Variants in SLC6A12 observed in about 807,000 individuals in gnomAD.
The protein encoded by SLC6A12 is solute carrier family 6 member 12.
In SLC6A12, 50 loss-of-function variants were observed where a neutral mutation model predicts 73.3. The ratio of observed to expected loss-of-function variants is 0.68; its 90% CI spans 0.54 to 0.86. The LOEUF (loss-of-function observed/expected upper bound fraction) is 0.86, where lower values mean the gene tolerates loss of function less well. SLC6A12 is among the 40% of genes least tolerant of loss of function. The pLI, the probability that SLC6A12 is intolerant of heterozygous loss-of-function variation, is 0.00. For missense variants in SLC6A12, 648 were observed against 772.8 expected (o/e 0.84, Z 1.92); for synonymous variants, 304 against 309.2 (o/e 0.98, Z 0.18).
intron 14 of SLC6A12, 106 bp from the exon 15 acceptor site, chr12:192,754 C>G (rs1017705396): frequency 9.5e-7 from 1 of 1,050,292 alleles, no homozygotes; most frequent in African/African-American, 1.6e-5. Flanking sequence ...CACTGCAGCA[C>G]GTCTGTAAGG....
chr12:185,790 C>T (rs145151102), downstream of SLC6A12, among the ~76,000 whole-genome samples: 2,529 of 152,294 alleles, frequency 0.017, 43 homozygotes, highest in Middle Eastern at 0.092. Context: ...GAGTGCGGGT[C>T]GCCAGGGCCC....
chr12:187,435 A>G (rs1360438424), downstream of SLC6A12, among the ~76,000 whole-genome samples: 2 of 151,578 alleles, frequency 1.3e-5, 1 homozygote, highest in Non-Finnish European at 2.9e-5. Flanking sequence ...ACAACTCTGA[A>G]GGCGGCGCGT....
intron 3 of SLC6A12, 196 bp from the exon 4 acceptor site, chr12:204,894 C>CCTG: frequency 1.7e-6 from 1 of 594,628 alleles, no homozygotes; most frequent in South Asian, 2.1e-5. Flanking sequence ...ATGTTCTGAT[C>CCTG]TGAACCCTAC....
In SLC6A12 at chr12:210,566, C is replaced by T. The variant is rs535275476; in HGVS notation, c.-57-523G>A. ...AAACAGGGGAGCCAGCAGCTCTGGGCAGCTGATTGGGAGGAAAAGAGAAGG... is the reference window on the plus strand; with the variant it reads ...AAACAGGGGAGCCAGCAGCTCTGGGTAGCTGATTGGGAGGAAAAGAGAAGG... On this transcript the variant is annotated intron_variant, in intron 2 of 15. Coordinates refer to ENST00000684302, the MANE Select transcript of SLC6A12 (RefSeq NM_001122848.3). The T allele has an allele frequency of 2.0e-3, 372 of 186,244 alleles. 2 individuals are homozygous for T. The highest frequency in any genetic ancestry group is 3.0e-3 in the Non-Finnish European group (300 of 98,882). 11.5% of individuals were successfully genotyped at this position (186,244 alleles called of 1,614,324 possible).
At chr12:190,080 A>G (rs1219915618), downstream of SLC6A12, 2 of 152,386 alleles carry the variant, frequency 1.3e-5, no homozygotes, top group African/African-American at 4.8e-5. Context: ...ACCAGCACGC[A>G]TGGAAGGCAA....
rs1939532575 is a variant in SLC6A12 at position 190,170 on chromosome 12, T to C, written c.*898A>G. 6.6e-6 allele frequency: 1 copy of C among 152,226 alleles called. No homozygotes were observed. Among genetic ancestry groups the C allele is most frequent in the Non-Finnish European group, 1.5e-5 (1 of 68,046 alleles). 9.4% of individuals were successfully genotyped at this position (152,226 alleles called of 1,614,324 possible). On this transcript the variant is annotated 3_prime_UTR_variant, in exon 16 of 16. Transcript: ENST00000684302. ...GCACAAGGAGATAAGGTTTTAGTCA[T>C]ATCTCTGGCCCCCAAGAAGGGGGTC...
At chr12:188,210 G>A (rs1383434773), downstream of SLC6A12, among the ~76,000 whole-genome samples, 1 of 152,216 alleles carries the variant, frequency 6.6e-6, no homozygotes, top group Non-Finnish European at 1.5e-5. Flanking sequence ...AGGAGCCCAT[G>A]GAGGGGGAGG....
rs547326506 is a variant in SLC6A12 at position 204,627 on chromosome 12, A to G, written c.286T>C (p.Leu96=). Residue 96 remains leucine, a synonymous_variant, in exon 4 of 16, where the codon TTG becomes CTG. Transcript: ENST00000684302. The part of the protein sequence containing the change: ...GIPVFFLEVA[L]GQYTSQGSVT... ...CTCCCTTGGCTGGTGTATTGGCCCA[A>G]CGCCACCTCCAGGAAGAACACCGGG... 2.2e-5 allele frequency: 36 copies of G among 1,614,172 alleles called. No homozygotes were observed. The South Asian group carries it at 3.8e-4, about 17-fold the overall frequency.
At position 198,377 on chromosome 12, in the gene SLC6A12, G is replaced by A. The variant is rs1346260943; in HGVS notation, c.847-374C>T. 6.6e-6 allele frequency among the ~76,000 whole-genome samples: 1 copy of A among 152,164 alleles called. No individual in the cohort carries two copies. Among genetic ancestry groups the A allele is most frequent in the East Asian group, 1.9e-4 (1 of 5,194 alleles). On this transcript the variant is annotated intron_variant, in intron 8 of 15. Coordinates refer to ENST00000684302, the MANE Select transcript of SLC6A12 (RefSeq NM_001122848.3). The surrounding 1 kb of genome is among the most constrained non-coding windows in gnomAD (Gnocchi z 4.0). ...TAGTGTCTTAAGCAGCTATGACCTG[G>A]GGACAAAGAGGCTGCTTCATCAAAA...
intron 4 of SLC6A12, chr12:203,479 G>A (rs1362179327): frequency 1.3e-5 from 2 of 152,156 alleles, no homozygotes; most frequent in African/African-American, 4.8e-5. Flanking sequence ...ACCGCGCAGC[G>A]GCGTTGGGGC....
At chr12:193,761 AAAC>A (rs1269104055) in intron 13 of SLC6A12, among the ~76,000 whole-genome samples, 4 of 152,216 alleles carry the variant, frequency 2.6e-5, no homozygotes, top group African/African-American at 9.6e-5. Flanking sequence ...CAAAACAGCA[AAAC>A]AACAAGGCTC....
chr12:202,656 T>A (rs1940335552), intron 5 of SLC6A12, 84 bp downstream of exon 5: 2 of 1,435,378 alleles, frequency 1.4e-6, no homozygotes, highest in Non-Finnish European at 9.6e-7. Context: ...GCTACACTTA[T>A]ACTCCCCGTC....
At chr12:189,851 T>G (rs146026144), downstream of SLC6A12, among the ~76,000 whole-genome samples, 175 of 152,122 alleles carry the variant, frequency 1.2e-3, no homozygotes, top group Middle Eastern at 6.8e-3. Flanking sequence ...CCTGGGACAC[T>G]CTCACAGACT....
At chr12:196,747 C>A in intron 11 of SLC6A12, 23 bp downstream of exon 11, 1 of 1,546,162 alleles carries the variant, frequency 6.5e-7, no homozygotes, top group Non-Finnish European at 8.9e-7. Flanking sequence ...CACGGCAGGG[C>A]AGGCTGGGCT....
In SLC6A12 at chr12:197,154, C is replaced by CATCTATCCATCT. The variant is rs1565469071; in HGVS notation, c.1075+222_1075+223insAGATGGATAGAT. Among the ~76,000 whole-genome samples, 49 of 94,574 alleles carry CATCTATCCATCT rather than the reference C, an allele frequency of 5.2e-4. 3 individuals carry two copies. The highest frequency in any genetic ancestry group is 9.7e-4 in the East Asian group (3 of 3,084). 62.0% of individuals were successfully genotyped at this position (94,574 alleles called of 152,430 possible). On this transcript the variant is annotated intron_variant, in intron 10 of 15. Coordinates refer to ENST00000684302, the MANE Select transcript of SLC6A12 (RefSeq NM_001122848.3). ...CCATCCATCCATCCATCCATCCATC[C>CATCTATCCATCT]ATCCATCCATCCATCCATCCATCCA...
intron 4 of SLC6A12, chr12:203,135 C>T (rs1457382750): frequency 2.1e-5 from 5 of 240,138 alleles, no homozygotes; most frequent in East Asian, 7.8e-5. Flanking sequence ...GGCACAGTCT[C>T]GGCTCACTGG....
chr12:196,505 G>C (rs984910021), intron 11 of SLC6A12, among the ~76,000 whole-genome samples: 1 of 152,224 alleles, frequency 6.6e-6, no homozygotes, highest in Non-Finnish European at 1.5e-5. Flanking sequence ...CAGGGGCTGG[G>C]GCTGGGCAGC....
downstream of SLC6A12, among the ~76,000 whole-genome samples, chr12:187,168 G>A (rs1267930258): frequency 1.3e-5 from 2 of 152,142 alleles, no homozygotes; most frequent in Non-Finnish European, 2.9e-5. Context: ...TGCCAGATTT[G>A]GCCTCTGTTC....
the SLC6A12 span, among the ~76,000 whole-genome samples, chr12:184,460 A>G: frequency 0.39 from 59,066 of 151,966 alleles, 11,605 homozygotes; most frequent in South Asian, 0.5. Flanking sequence ...CCTCATCTCT[A>G]CTAAAAACAC....
Sources: gnomAD v4.1 joint callset for allele counts (sites outside exome capture counted in the v4.1 genomes callset) on GRCh38, gnomAD v4.1.1 for gene constraint, Gnocchi (gnomAD v3.1) non-coding constraint, MANE v1.5 for transcripts, NCBI Gene and HGNC (gene_info 2026-07-23, HGNC 2026-07-21) for gene names.